CALN1: variants seen among roughly 807,000 people sequenced by gnomAD.
CALN1 encodes the protein calneuron 1, also known as calcium-binding protein 8.
In CALN1, 17 loss-of-function variants were observed where a neutral mutation model predicts 30.6. That is an observed-to-expected ratio of 0.56 (90% CI 0.38 to 0.83). The LOEUF (loss-of-function observed/expected upper bound fraction) is 0.83. Among genes scored for constraint, CALN1 ranks in the 40% least tolerant of loss-of-function variants. CALN1 has a pLI of 0.00. For synonymous variants in CALN1, 156 were observed against 131.4 expected (o/e 1.19, Z -1.28); for missense variants, 291 against 354.9 (o/e 0.82, Z 1.45).
At chr7:72,426,022 T>C (rs1425578748) in intron 1 of CALN1, among the ~76,000 whole-genome samples, 2 of 152,196 alleles carry the variant, frequency 1.3e-5, no homozygotes, top group Non-Finnish European at 2.9e-5. Context: ...CTGCCTCTGA[T>C]TGGGAGGCAT....
chr7:72,250,605 G>A (rs1795485216), intron 3 of CALN1, among the ~76,000 whole-genome samples: 1 of 152,138 alleles, frequency 6.6e-6, no homozygotes, highest in Admixed American at 6.6e-5. Context: ...TTGGGTCATG[G>A]GGCGGATCCC....
intron 6 of CALN1, among the ~76,000 whole-genome samples, chr7:71,809,489 G>GAAA (rs1337892912): frequency 8.2e-6 from 1 of 121,230 alleles, no homozygotes. Flanking sequence ...GAAAAGAAAA[G>GAAA]AAAAAAAATT....
In CALN1 at chr7:71,940,588, T is replaced by A. The variant is rs1796074189; in HGVS notation, c.501+83069A>T. On this transcript the variant is annotated intron_variant, in intron 5 of 6. Transcript: ENST00000395275. ...TTGTTTGCTATTCAGTTTTTATAGT[T>A]CTTCTTCTGTTTTTTGTTTGTTTGT... Among the ~76,000 whole-genome samples, 2 of 152,140 alleles carry A rather than the reference T, an allele frequency of 1.3e-5. 1 individual carries two copies. Among genetic ancestry groups the A allele is most frequent in the South Asian group, 4.1e-4 (2 of 4,826 alleles).
intron 5 of CALN1, among the ~76,000 whole-genome samples, chr7:71,978,112 T>TA (rs1798191084): frequency 6.6e-6 from 1 of 151,604 alleles, no homozygotes; most frequent in South Asian, 2.1e-4. Context: ...TTCCCCACCA[T>TA]AAGAGTCTTG....
chr7:71,847,781 AGAAGAAG>A (rs1584360844), intron 5 of CALN1, among the ~76,000 whole-genome samples: 33 of 149,192 alleles, frequency 2.2e-4, no homozygotes, highest in African/African-American at 6.8e-4. Context: ...AGAAAGAAGA[AGAAGAAG>A]AAGAAGAAAA....
At chr7:72,408,935 C>T (rs1036835347) in intron 1 of CALN1, among the ~76,000 whole-genome samples, 5 of 151,968 alleles carry the variant, frequency 3.3e-5, no homozygotes, top group African/African-American at 1.2e-4. Flanking sequence ...ACCTCAGCCT[C>T]CCAAAGTGCT....
chr7:72,377,911 G>C (rs953807476), intron 2 of CALN1, among the ~76,000 whole-genome samples: 23 of 152,148 alleles, frequency 1.5e-4, no homozygotes, highest in African/African-American at 5.6e-4. Context: ...CTCTGGGAAT[G>C]AGTGTTAACT....
At chr7:71,795,810 C>T (rs1450730297) in intron 6 of CALN1, among the ~76,000 whole-genome samples, 1 of 125,798 alleles carries the variant, frequency 7.9e-6, no homozygotes, top group African/African-American at 3.6e-5. Flanking sequence ...ACCAGTACTT[C>T]ATTCTTTTTT....
At chr7:72,283,472 C>A (rs572842533) in intron 2 of CALN1, among the ~76,000 whole-genome samples, 24 of 152,244 alleles carry the variant, frequency 1.6e-4, no homozygotes, top group Non-Finnish European at 2.5e-4. Flanking sequence ...TAATTTGAGA[C>A]TTCAGAGAGC....
At chr7:71,796,358 CTTTTTTT>C (rs35184000) in intron 6 of CALN1, among the ~76,000 whole-genome samples, 4 of 130,216 alleles carry the variant, frequency 3.1e-5, no homozygotes, top group Non-Finnish European at 6.6e-5. Flanking sequence ...ATGTTTCTTT[CTTTTTTT>C]TTTTTTTTTT....
Position 72,029,034 on chromosome 7 carries a change from T to C in CALN1, c.389-5265A>G, listed in dbSNP as rs112018771. Reference sequence around the variant, plus strand: ...AGACAGACAGATATAGCTATAGAAATCTTTGTCTCTGTTTCCTGGTACACA... The same window carrying C: ...AGACAGACAGATATAGCTATAGAAACCTTTGTCTCTGTTTCCTGGTACACA... On this transcript the variant is annotated intron_variant, in intron 4 of 6. Transcript: ENST00000395275. Among the ~76,000 whole-genome samples, 401 of 152,236 alleles carry C rather than the reference T, an allele frequency of 2.6e-3. 2 individuals are homozygous for C. The highest frequency in any genetic ancestry group is 9.1e-3 in the African/African-American group (380 of 41,540).
Position 71,961,958 on chromosome 7 carries a change from T to C in CALN1, c.501+61699A>G, listed in dbSNP as rs529784404. Among the ~76,000 whole-genome samples, 39 of 152,284 alleles carry C rather than the reference T, an allele frequency of 2.6e-4. No homozygotes were observed. The South Asian group carries it at 6.6e-3, about 26-fold the overall frequency. On this transcript the variant is annotated intron_variant, in intron 5 of 6. Transcript: ENST00000395275. ...TTGGAGTGGGAACAATTTCCAGCTA[T>C]TGTAGCCTCAGGGAGCCTCATTATA...
chr7:72,151,138 C>T (rs890008680), intron 3 of CALN1, among the ~76,000 whole-genome samples: 1 of 152,184 alleles, frequency 6.6e-6, no homozygotes, highest in African/African-American at 2.4e-5. Flanking sequence ...GTGGCTTCAA[C>T]AACAGAAGTC....
At chr7:72,128,414 T>C (rs941454171) in intron 3 of CALN1, among the ~76,000 whole-genome samples, 3 of 152,098 alleles carry the variant, frequency 2.0e-5, no homozygotes, top group Non-Finnish European at 4.4e-5. Flanking sequence ...CACTCCACAA[T>C]TTATACCAAA....
intron 3 of CALN1, among the ~76,000 whole-genome samples, chr7:72,230,858 G>A (rs928179523): frequency 1.3e-5 from 2 of 152,166 alleles, no homozygotes; most frequent in African/African-American, 4.8e-5. Context: ...CACCCACAGC[G>A]TCACTTTCTG....
chr7:71,979,869 C>CTTTTTTTTTTTTTTT (rs555621436), intron 5 of CALN1, among the ~76,000 whole-genome samples: 2 of 89,692 alleles, frequency 2.2e-5, no homozygotes, highest in African/African-American at 4.3e-5. Context: ...CATCAGGATT[C>CTTTTTTTTTTTTTTT]TTTTTTTTTT....
chr7:72,303,122 T>C (rs1181370349), intron 2 of CALN1, among the ~76,000 whole-genome samples: 1 of 151,668 alleles, frequency 6.6e-6, no homozygotes, highest in Non-Finnish European at 1.5e-5. Flanking sequence ...AGACATCATC[T>C]AAAAAGAAAT....
chr7:72,137,336 T>C (rs1809583412), intron 3 of CALN1, among the ~76,000 whole-genome samples: 2 of 152,148 alleles, frequency 1.3e-5, no homozygotes, highest in African/African-American at 2.4e-5. Flanking sequence ...CGGTGGTGTT[T>C]TGTTCAAGAT....
intron 3 of CALN1, among the ~76,000 whole-genome samples, chr7:72,222,332 C>T (rs1215234720): frequency 2.0e-5 from 3 of 152,184 alleles, no homozygotes; most frequent in Non-Finnish European, 2.9e-5. Flanking sequence ...TGCTTGGCTT[C>T]TGGCCAGGCC....
Sources: allele counts gnomAD v4.1 joint callset (sites outside exome capture counted in the v4.1 genomes callset), GRCh38; gene constraint gnomAD v4.1.1; transcripts MANE v1.5; gene names NCBI Gene and HGNC (gene_info 2026-07-23, HGNC 2026-07-21).